LIMCH1: variants seen among roughly 807,000 people sequenced by gnomAD.
LIMCH1 encodes the protein LIM and calponin homology domains-containing protein 1.
A neutral mutation model predicts 176.5 loss-of-function variants in LIMCH1; 113 were observed. That is an observed-to-expected ratio of 0.64 (90% CI 0.55 to 0.75). The LOEUF is 0.75. LIMCH1 is among the 30% of genes least tolerant of loss of function. LIMCH1 has a pLI of 0.00. For missense variants in LIMCH1, 1,674 were observed against 1,814.9 expected (o/e 0.92, Z 1.41); for synonymous variants, 619 against 645.9 (o/e 0.96, Z 0.63).
chr4:41,644,466 C>A, intron 14 of LIMCH1, 34 bp from the exon 15 acceptor site: 1 of 1,459,068 alleles, frequency 6.9e-7, no homozygotes, highest in East Asian at 2.7e-5. Flanking sequence ...GCGCTGATCG[C>A]GGTCCCTCTT....
chr4:41,478,628 A>C (rs2068094936), intron 1 of LIMCH1, among the ~76,000 whole-genome samples: 1 of 152,228 alleles, frequency 6.6e-6, no homozygotes, highest in Non-Finnish European at 1.5e-5. Context: ...CGATCACTTC[A>C]TCAGACAGCT....
At chr4:41,663,133 TCGTG>T (rs2094688198) in intron 20 of LIMCH1, 149 bp downstream of exon 20, 3 of 571,492 alleles carry the variant, frequency 5.2e-6, no homozygotes, top group South Asian at 4.2e-5. Context: ...TTTTTCTTTT[TCGTG>T]TGTGTGTGTG....
chr4:41,682,675 C>CTTTTTTTT (rs200784058), intron 26 of LIMCH1, among the ~76,000 whole-genome samples: 6 of 142,380 alleles, frequency 4.2e-5, no homozygotes, highest in Non-Finnish European at 6.1e-5. Flanking sequence ...TTTTCTTCTT[C>CTTTTTTTT]TTCTTTTTTT....
chr4:41,592,854 C>G (rs1171309165), intron 1 of LIMCH1, among the ~76,000 whole-genome samples: 1 of 152,162 alleles, frequency 6.6e-6, no homozygotes, highest in Non-Finnish European at 1.5e-5. Context: ...TATTCTCTTA[C>G]TTCTATTTTC....
intron 1 of LIMCH1, among the ~76,000 whole-genome samples, chr4:41,400,975 G>A (rs890433339): frequency 3.3e-5 from 5 of 152,166 alleles, no homozygotes; most frequent in African/African-American, 2.4e-5. Context: ...CTCCCATTTT[G>A]TAGGTTGCCT....
At chr4:41,460,510 T>G (rs942279745) in intron 1 of LIMCH1, among the ~76,000 whole-genome samples, 4 of 141,464 alleles carry the variant, frequency 2.8e-5, no homozygotes, top group South Asian at 4.6e-4. Flanking sequence ...ATCTTAAATA[T>G]ACACAAAAAG....
intron 1 of LIMCH1, among the ~76,000 whole-genome samples, chr4:41,391,040 CTACAA>C (rs1332189632): frequency 2.0e-5 from 3 of 152,142 alleles, no homozygotes; most frequent in Admixed American, 2.0e-4. Flanking sequence ...TTTTTTCTGT[CTACAA>C]TACTGTTAAA....
At chr4:41,515,404 G>C (rs949270830) in intron 2 of LIMCH1, among the ~76,000 whole-genome samples, 1 of 152,190 alleles carries the variant, frequency 6.6e-6, no homozygotes, top group Non-Finnish European at 1.5e-5. Context: ...TTCTTTCATT[G>C]CTTCTAACCT....
chr4:41,510,508 C>T (rs1217574553), intron 2 of LIMCH1, among the ~76,000 whole-genome samples: 1 of 152,170 alleles, frequency 6.6e-6, no homozygotes, highest in Non-Finnish European at 1.5e-5. Flanking sequence ...AAATCTCTGC[C>T]TCACCTGTTC....
At chr4:41,430,094 G>A (rs1174888404) in intron 1 of LIMCH1, among the ~76,000 whole-genome samples, 1 of 152,124 alleles carries the variant, frequency 6.6e-6, no homozygotes, top group Non-Finnish European at 1.5e-5. Flanking sequence ...CAGTATAGAC[G>A]TTACGTAAGT....
At chr4:41,527,835 A>C (rs968571254) in intron 3 of LIMCH1, among the ~76,000 whole-genome samples, 22 of 150,900 alleles carry the variant, frequency 1.5e-4, no homozygotes, top group East Asian at 7.7e-4. Flanking sequence ...AAAAAAAAAA[A>C]AAAAAAAAAA....
At chr4:41,365,767 A>C (rs1195454823) in intron 1 of LIMCH1, among the ~76,000 whole-genome samples, 3 of 152,228 alleles carry the variant, frequency 2.0e-5, no homozygotes. Flanking sequence ...GCTATGACAC[A>C]ATGCTGTCAC....
At chr4:41,656,310 T>C (rs2094462732) in intron 18 of LIMCH1, among the ~76,000 whole-genome samples, 2 of 152,232 alleles carry the variant, frequency 1.3e-5, no homozygotes, top group South Asian at 4.1e-4. Flanking sequence ...GCAAATTCCT[T>C]TTAGATGGCA....
chr4:41,460,476 A>ATATATATATATATATATCTATC (rs965621988), intron 1 of LIMCH1, among the ~76,000 whole-genome samples: 1 of 142,664 alleles, frequency 7.0e-6, no homozygotes, highest in African/African-American at 2.7e-5. Flanking sequence ...ATATATATAT[A>ATATATATATATATATATCTATC]TATCTTATAA....
At chr4:41,570,305 CTT>C (rs1188148895) in intron 1 of LIMCH1, among the ~76,000 whole-genome samples, 1 of 152,230 alleles carries the variant, frequency 6.6e-6, no homozygotes, top group Non-Finnish European at 1.5e-5. Flanking sequence ...ACTAACAAAA[CTT>C]TGCTTTCCAA....
intron 1 of LIMCH1, among the ~76,000 whole-genome samples, chr4:41,380,253 T>G (rs2055444415): frequency 6.6e-6 from 1 of 152,240 alleles, no homozygotes; most frequent in South Asian, 2.1e-4. Context: ...AAGTTTTGAT[T>G]AGTTCTGGAA....
chr4:41,423,021 G>T (rs940888570), intron 1 of LIMCH1, among the ~76,000 whole-genome samples: 4 of 152,160 alleles, frequency 2.6e-5, no homozygotes, highest in Non-Finnish European at 1.5e-5. Flanking sequence ...GCCTCCCAAA[G>T]TGCTGGAATT....
chr4:41,589,653 C>T (rs546637222), intron 1 of LIMCH1, among the ~76,000 whole-genome samples: 25 of 152,212 alleles, frequency 1.6e-4, no homozygotes, highest in Admixed American at 3.9e-4. Context: ...TCTTCAGGCA[C>T]GATGAACTTG....
At chr4:41,603,817 G>C in intron 2 of LIMCH1, 58 bp from the exon 3 acceptor site, 2 of 1,211,408 alleles carry the variant, frequency 1.7e-6, no homozygotes, top group Non-Finnish European at 2.4e-6. Context: ...TTTAAGGAAA[G>C]GTCACAATTT....
Sources: gnomAD v4.1 joint callset for allele counts (sites outside exome capture counted in the v4.1 genomes callset) on GRCh38, gnomAD v4.1.1 for gene constraint, MANE v1.5 for transcripts, NCBI Gene and HGNC (gene_info 2026-07-23, HGNC 2026-07-21) for gene names.